The following HS2ST1 variants were observed in gnomAD, a reference collection of about 807,000 sequenced individuals.
The protein encoded by HS2ST1 is 2-O-sulfotransferase.
A neutral mutation model predicts 42.9 loss-of-function variants in HS2ST1; 18 were observed. The observed-to-expected ratio is 0.42, with a 90% confidence interval of 0.29 to 0.62. The LOEUF (loss-of-function observed/expected upper bound fraction) is 0.62, where lower values mean the gene tolerates loss of function less well. Ranked by LOEUF, HS2ST1 falls within the 20% of genes least tolerant of loss-of-function variation. The pLI is 0.21. For synonymous variants in HS2ST1, 146 were observed against 152.9 expected (o/e 0.95, Z 0.33); for missense variants, 334 against 433.8 (o/e 0.77, Z 2.04).
intron 1 of HS2ST1, among the ~76,000 whole-genome samples, chr1:86,999,495 TG>T (rs1273032590): frequency 1.3e-5 from 2 of 152,126 alleles, no homozygotes; most frequent in African/African-American, 2.4e-5. Flanking sequence ...TTCTTCTTAG[TG>T]GTTTTACCAT....
At position 87,107,802 on chromosome 1, in the gene HS2ST1, C is replaced by G. The variant is rs1404604017; in HGVS notation, c.*3106C>G. 6.6e-6 allele frequency: 1 copy of G among 151,628 alleles called. No homozygotes were observed. Among genetic ancestry groups the G allele is most frequent in the Non-Finnish European group, 1.5e-5 (1 of 67,834 alleles). 9.4% of individuals were successfully genotyped at this position (151,628 alleles called of 1,614,324 possible). ...GAAGTAAAATATATTTTGATTTTAC[C>G]CAGCTTAATCTGTAAAGTAGCACTT... On this transcript the variant is annotated 3_prime_UTR_variant, in exon 7 of 7. Coordinates refer to ENST00000370550, the MANE Select transcript of HS2ST1 (RefSeq NM_012262.4).
chr1:86,992,444 G>A (rs984940619), intron 1 of HS2ST1, among the ~76,000 whole-genome samples: 8 of 151,502 alleles, frequency 5.3e-5, no homozygotes, highest in Non-Finnish European at 8.8e-5. Flanking sequence ...TCGGCTCACC[G>A]CAGCCTCCAC....
intron 5 of HS2ST1, among the ~76,000 whole-genome samples, chr1:87,102,048 TTTATTATTA>T (rs756546504): frequency 2.0e-5 from 3 of 151,286 alleles, no homozygotes; most frequent in African/African-American, 7.3e-5. Context: ...GACCCAGTCG[TTTATTATTA>T]TTATTATTAT....
intron 2 of HS2ST1, among the ~76,000 whole-genome samples, chr1:87,083,703 C>T (rs1311196875): frequency 6.6e-6 from 1 of 152,080 alleles, no homozygotes; most frequent in African/African-American, 2.4e-5. Flanking sequence ...TCTTAAATAT[C>T]TTCTGATAAC....
chr1:87,083,368 TTTC>T (rs985025823), intron 2 of HS2ST1, among the ~76,000 whole-genome samples: 1 of 152,200 alleles, frequency 6.6e-6, no homozygotes, highest in Non-Finnish European at 1.5e-5. Context: ...CTGCCCCCAC[TTTC>T]TGCACTCTAT....
intron 1 of HS2ST1, among the ~76,000 whole-genome samples, chr1:87,064,228 A>C (rs1232728629): frequency 6.6e-6 from 1 of 152,134 alleles, no homozygotes; most frequent in Non-Finnish European, 1.5e-5. Context: ...TTTTGTCTGT[A>C]CCTGTTTCTA....
intron 1 of HS2ST1, among the ~76,000 whole-genome samples, chr1:86,999,012 A>G (rs758258786): frequency 7.1e-5 from 10 of 141,696 alleles, no homozygotes; most frequent in African/African-American, 2.4e-4. Context: ...CTAAAAGCTT[A>G]TTTACTAGTG....
At chr1:87,009,689 G>T (rs1206499341) in intron 1 of HS2ST1, among the ~76,000 whole-genome samples, 1 of 152,044 alleles carries the variant, frequency 6.6e-6, no homozygotes, top group Non-Finnish European at 1.5e-5. Context: ...GATAACCTAG[G>T]CTAAAGGAGA....
chr1:86,937,031 G>T (rs983022070), intron 1 of HS2ST1, among the ~76,000 whole-genome samples: 21 of 152,120 alleles, frequency 1.4e-4, no homozygotes, highest in Admixed American at 1.1e-3. Flanking sequence ...CTTGAACCCG[G>T]GAGGTGGAGG....
intron 1 of HS2ST1, among the ~76,000 whole-genome samples, chr1:86,994,364 A>G (rs947721639): frequency 3.5e-4 from 54 of 152,174 alleles, no homozygotes; most frequent in African/African-American, 1.2e-3. Context: ...TGTGTATGCT[A>G]TGTAGAGAAA....
intron 1 of HS2ST1, among the ~76,000 whole-genome samples, chr1:86,935,214 A>G (rs1660620495): frequency 1.3e-5 from 2 of 151,910 alleles, no homozygotes; most frequent in South Asian, 4.1e-4. Context: ...TTATAGCATT[A>G]AATTCTTTAG....
rs1253837528 is a variant in HS2ST1, at chr1:87,104,533, A to G, written c.908A>G (p.Lys303Arg). The G allele has an allele frequency of 1.9e-6, 3 of 1,613,546 alleles. No individual in the cohort carries two copies. The highest frequency in any genetic ancestry group is 2.7e-5 in the African/African-American group (2 of 74,894). ...CTCCCCACTAAACAAACCATTGCAA[A>G]ACTACAGCAATCTGATATTTGGAAA... ...KKLPTKQTIA[K>R]LQQSDIWKME... The change falls in exon 7 of 7, where the codon AAA becomes AGA. Residue 303 changes from lysine to arginine, a missense_variant. By Grantham distance (26) the Lys-to-Arg change is conservative. Coordinates refer to ENST00000370550, the MANE Select transcript of HS2ST1 (RefSeq NM_012262.4).
At chr1:87,090,915 A>C (rs1281989834) in intron 3 of HS2ST1, among the ~76,000 whole-genome samples, 1 of 151,986 alleles carries the variant, frequency 6.6e-6, no homozygotes, top group African/African-American at 2.4e-5. Context: ...AGATGTTTGC[A>C]TGGTACCTTC....
At chr1:87,077,268 A>C (rs1159123634) in intron 2 of HS2ST1, among the ~76,000 whole-genome samples, 2 of 152,212 alleles carry the variant, frequency 1.3e-5, no homozygotes, top group Non-Finnish European at 2.9e-5. Context: ...TACAAAATCC[A>C]CATTTCTTAC....
chr1:87,047,615 T>G (rs1263315602), intron 1 of HS2ST1, among the ~76,000 whole-genome samples: 2 of 152,142 alleles, frequency 1.3e-5, no homozygotes, highest in Non-Finnish European at 2.9e-5. Flanking sequence ...AGAATGAAGA[T>G]TCCCTTAAAA....
intron 1 of HS2ST1, among the ~76,000 whole-genome samples, chr1:87,047,864 T>A (rs975593572): frequency 6.6e-6 from 1 of 152,186 alleles, no homozygotes; most frequent in Non-Finnish European, 1.5e-5. Flanking sequence ...TGATAACAAG[T>A]CTTGAGATAA....
chr1:86,925,900 T>A (rs1282581475), intron 1 of HS2ST1, among the ~76,000 whole-genome samples: 1 of 152,218 alleles, frequency 6.6e-6, no homozygotes, highest in Non-Finnish European at 1.5e-5. Flanking sequence ...TGGGCCATAT[T>A]TTCTTCTTTA....
At chr1:87,063,493 C>T (rs1198638999) in intron 1 of HS2ST1, among the ~76,000 whole-genome samples, 4 of 152,074 alleles carry the variant, frequency 2.6e-5, no homozygotes, top group Admixed American at 1.3e-4. Flanking sequence ...TGCACCACCA[C>T]GCCTGGCTAA....
intron 1 of HS2ST1, among the ~76,000 whole-genome samples, chr1:87,059,054 G>A (rs1253596520): frequency 5.3e-5 from 8 of 152,168 alleles, no homozygotes; most frequent in South Asian, 4.2e-4. Context: ...GTGAGACTCC[G>A]TCTCAAAAAA....
Sources: gnomAD v4.1 joint callset for allele counts (sites outside exome capture counted in the v4.1 genomes callset) on GRCh38, gnomAD v4.1.1 for gene constraint, MANE v1.5 for transcripts, NCBI Gene and HGNC (gene_info 2026-07-23, HGNC 2026-07-21) for gene names.